Variants in UNC5C observed in about 807,000 individuals in gnomAD.
The protein encoded by UNC5C is unc-5 netrin receptor C.
In UNC5C, 47 loss-of-function variants were observed where a neutral mutation model predicts 99.8. The ratio of observed to expected loss-of-function variants is 0.47; its 90% confidence interval spans 0.37 to 0.60. UNC5C has a LOEUF of 0.60. UNC5C is among the 20% of genes least tolerant of loss of function. The probability of loss-of-function intolerance (pLI) is 0.00; values close to 1 mark genes in which losing one functional copy is unlikely to be tolerated. For missense variants in UNC5C, 1,062 were observed against 1,165.9 expected, an observed-to-expected ratio of 0.91 and a Z score of 1.30; for synonymous variants, 487 against 452.2, an observed-to-expected ratio of 1.08 and a Z score of -0.98.
intron 7 of UNC5C, among the ~76,000 whole-genome samples, chr4:95,231,567 G>C (rs1264511327): frequency 6.6e-6 from 1 of 151,998 alleles, no homozygotes; most frequent in Admixed American, 6.5e-5. Flanking sequence ...CTGGCCGCTT[G>C]GTCTTCTTTT....
chr4:95,447,205 C>T (rs1035469797), intron 1 of UNC5C, among the ~76,000 whole-genome samples: 2 of 152,038 alleles, frequency 1.3e-5, no homozygotes, highest in African/African-American at 2.4e-5. Flanking sequence ...TTATAAAATT[C>T]TATATTCAAT....
intron 1 of UNC5C, among the ~76,000 whole-genome samples, chr4:95,462,262 T>C (rs1184871047): frequency 2.0e-5 from 3 of 152,170 alleles, no homozygotes; most frequent in African/African-American, 7.2e-5. Flanking sequence ...TAAATAGTTA[T>C]AAATGTAGAC....
intron 1 of UNC5C, among the ~76,000 whole-genome samples, chr4:95,470,341 T>C (rs968348818): frequency 1.3e-5 from 2 of 152,136 alleles, no homozygotes; most frequent in Non-Finnish European, 2.9e-5. Context: ...ACGCATGTTG[T>C]TCAAGGGTCA....
intron 7 of UNC5C, among the ~76,000 whole-genome samples, chr4:95,221,979 A>C (rs905417424): frequency 5.9e-5 from 9 of 152,276 alleles, no homozygotes; most frequent in Admixed American, 5.9e-4. Context: ...TTTGTCAGCT[A>C]CTGGGACTCA....
chr4:95,548,271 TCAGTG>T (rs894441004), intron 1 of UNC5C, among the ~76,000 whole-genome samples: 3 of 151,884 alleles, frequency 2.0e-5, no homozygotes, highest in Non-Finnish European at 2.9e-5. Context: ...GCTCAGAGAC[TCAGTG>T]AAGATCCTGC....
chr4:95,463,797 G>A (rs1289612173), intron 1 of UNC5C, among the ~76,000 whole-genome samples: 1 of 151,882 alleles, frequency 6.6e-6, no homozygotes, highest in African/African-American at 2.4e-5. Context: ...TACTGTATTG[G>A]GTACTCCATA....
At chr4:95,171,683 G>A (rs370812099) in intron 14 of UNC5C, among the ~76,000 whole-genome samples, 8 of 151,782 alleles carry the variant, frequency 5.3e-5, no homozygotes, top group Non-Finnish European at 1.0e-4. Flanking sequence ...ATTGTGAATA[G>A]TGCCGCAGTA....
Position 95,345,131 on chromosome 4 carries a change from G to A in UNC5C, c.125-9500C>T, listed in dbSNP as rs1376349875. ...CAAGAAACACATTTCACCTATAAAG[G>A]AACACATAGACTGAAAATAAAGGAA... On this transcript the variant is annotated intron_variant, in intron 1 of 15. Transcript: ENST00000453304. 2.6e-5 allele frequency among the ~76,000 whole-genome samples: 4 copies of A among 151,648 alleles called. No individual in the cohort carries two copies. In the East Asian group the frequency reaches 7.7e-4, roughly 29 times the overall value.
chr4:95,539,205 G>A (rs1424025032), intron 1 of UNC5C, among the ~76,000 whole-genome samples: 1 of 152,162 alleles, frequency 6.6e-6, no homozygotes, highest in Non-Finnish European at 1.5e-5. Context: ...TGCACTGCAT[G>A]CATAAAAGTC....
At chr4:95,461,256 T>C (rs905718447) in intron 1 of UNC5C, among the ~76,000 whole-genome samples, 3 of 152,230 alleles carry the variant, frequency 2.0e-5, no homozygotes, top group Non-Finnish European at 2.9e-5. Flanking sequence ...TAATGTTTGA[T>C]TGATTCTTCC....
chr4:95,423,084 AC>A (rs1387528896), intron 1 of UNC5C, among the ~76,000 whole-genome samples: 1 of 152,188 alleles, frequency 6.6e-6, no homozygotes, highest in Non-Finnish European at 1.5e-5. Flanking sequence ...CCCAGGGAAT[AC>A]CTTTATTAAT....
intron 3 of UNC5C, among the ~76,000 whole-genome samples, chr4:95,299,945 A>C (rs1431055463): frequency 6.6e-6 from 1 of 152,182 alleles, no homozygotes; most frequent in East Asian, 1.9e-4. Flanking sequence ...AACAGACTTG[A>C]GCCATGGAGA....
chr4:95,431,759 T>A (rs1292317907), intron 1 of UNC5C, among the ~76,000 whole-genome samples: 2 of 152,086 alleles, frequency 1.3e-5, no homozygotes, highest in Non-Finnish European at 2.9e-5. Context: ...TCAAGAGAAG[T>A]ACCTTTAGAA....
At chr4:95,282,595 G>A (rs537217367) in intron 3 of UNC5C, among the ~76,000 whole-genome samples, 165 of 152,294 alleles carry the variant, frequency 1.1e-3, no homozygotes, top group African/African-American at 3.7e-3. Flanking sequence ...TTATGCTTCC[G>A]TTCAACAAAG....
chr4:95,448,227 T>TGTGAGAGAGAGAGAGAGAGAGA (rs1339694230), intron 1 of UNC5C, among the ~76,000 whole-genome samples: 2 of 100,142 alleles, frequency 2.0e-5, no homozygotes, highest in African/African-American at 8.1e-5. Flanking sequence ...TGTGTGTGTG[T>TGTGAGAGAGAGAGAGAGAGAGA]GAGAGAGAGA....
chr4:95,380,795 A>G (rs1407671157), intron 1 of UNC5C, among the ~76,000 whole-genome samples: 2 of 152,214 alleles, frequency 1.3e-5, no homozygotes, highest in East Asian at 1.9e-4. Context: ...AATTTCTATG[A>G]TTAAGCATTT....
chr4:95,451,770 C>G (rs1174345363), intron 1 of UNC5C, among the ~76,000 whole-genome samples: 1 of 152,134 alleles, frequency 6.6e-6, no homozygotes, highest in African/African-American at 2.4e-5. Context: ...AAACACCTCT[C>G]TTTAGTGAAA....
chr4:95,545,956 A>C (rs1723049837), intron 1 of UNC5C, among the ~76,000 whole-genome samples: 1 of 152,234 alleles, frequency 6.6e-6, no homozygotes, highest in Admixed American at 6.5e-5. Flanking sequence ...GACCTATTGA[A>C]AATGACTGCT....
chr4:95,335,965 G>A (rs141376225), intron 1 of UNC5C, among the ~76,000 whole-genome samples: 4 of 151,958 alleles, frequency 2.6e-5, no homozygotes, highest in Admixed American at 6.6e-5. Flanking sequence ...TCCCATTATA[G>A]AGTGTCACCC....
Sources: gnomAD v4.1 joint callset for allele counts (sites outside exome capture counted in the v4.1 genomes callset) on GRCh38, gnomAD v4.1.1 for gene constraint, MANE v1.5 for transcripts, NCBI Gene and HGNC (gene_info 2026-07-23, HGNC 2026-07-21) for gene names.